COL1A2: variants seen among roughly 807,000 people sequenced by gnomAD.
The protein encoded by COL1A2 is collagen type I alpha 2 chain.
Under a neutral mutation model 174.3 loss-of-function variants are expected in COL1A2, and 49 were observed. The ratio of observed to expected loss-of-function variants is 0.28; its 90% CI spans 0.22 to 0.36. COL1A2 has a LOEUF of 0.36. Among genes scored for constraint, COL1A2 ranks in the 10% least tolerant of loss-of-function variants. The pLI is 1.00. For synonymous variants in COL1A2, 655 were observed against 606.6 expected (o/e 1.08, Z -1.17); for missense variants, 1,438 against 1,822.7 (o/e 0.79, Z 3.84).
chr7:94,422,843 GTAT>G, intron 39 of COL1A2, 111 bp from the exon 40 acceptor site: 1 of 1,256,644 alleles, frequency 8.0e-7, no homozygotes, highest in Non-Finnish European at 1.2e-6. Context: ...AATGGCCAGG[GTAT>G]TATTTTATTG....
chr7:94,414,134 T>G (rs1584322680), intron 28 of COL1A2, 88 bp from the exon 29 acceptor site: 1 of 1,446,106 alleles, frequency 6.9e-7, no homozygotes, highest in Non-Finnish European at 9.7e-7. Context: ...ATGTTGATAT[T>G]TGGTAGCCAC....
Position 94,399,073 on chromosome 7 carries a change from C to G in COL1A2, c.121C>G (p.Arg41Gly). ...GGGCCCAGCCGGAGATAGAGGACCA[C>G]GTGGAGAAAGGGTGTGTAATTTTTG... ...RKGPAGDRGPRGERGPPGPPG... is the reference protein window; with the variant it reads ...RKGPAGDRGPGGERGPPGPPG... Residue 41 changes from arginine to glycine, a missense_variant, in exon 4 of 52, where the codon CGT becomes GGT. Transcript: ENST00000297268. The G allele has an allele frequency of 6.2e-7, 1 of 1,613,498 alleles. No homozygotes were observed. The highest frequency in any genetic ancestry group is 8.5e-7 in the Non-Finnish European group (1 of 1,179,602).
chr7:94,410,348 A>G (rs768958119), intron 20 of COL1A2, 53 bp downstream of exon 20: 12 of 1,608,066 alleles, frequency 7.5e-6, no homozygotes, highest in Non-Finnish European at 1.0e-5. Flanking sequence ...TTCTCATTCC[A>G]GTTTCTCCAG....
intron 12 of COL1A2, 60 bp downstream of exon 12, chr7:94,406,363 C>CA: frequency 6.7e-7 from 1 of 1,498,526 alleles, no homozygotes; most frequent in Non-Finnish European, 9.3e-7. Context: ...CCATGACCTC[C>CA]AAAAAAGTAT....
chr7:94,398,977 G>T, intron 3 of COL1A2, 72 bp from the exon 4 acceptor site: 1 of 1,434,158 alleles, frequency 7.0e-7, no homozygotes, highest in South Asian at 1.1e-5. Flanking sequence ...TTATTATCAA[G>T]AATGATTTGT....
intron 1 of COL1A2, chr7:94,395,322 G>A (rs943656591): frequency 1.6e-6 from 1 of 641,594 alleles, no homozygotes; most frequent in Non-Finnish European, 2.9e-6. Flanking sequence ...TTTCCTCTAA[G>A]TTCAGAGTGA....
chr7:94,404,507 C>T (rs2115874611), intron 6 of COL1A2, 49 bp from the exon 7 acceptor site: 1 of 1,600,698 alleles, frequency 6.2e-7, no homozygotes. Context: ...CAGCCAACAC[C>T]ATGACAACTT....
chr7:94,402,127 T>A (rs1204338988), intron 6 of COL1A2, among the ~76,000 whole-genome samples: 1 of 152,092 alleles, frequency 6.6e-6, no homozygotes, highest in Non-Finnish European at 1.5e-5. Context: ...CTCAAAGTCA[T>A]CCAGGTAACT....
At chr7:94,422,845 A>G (rs1786727984) in intron 39 of COL1A2, 112 bp from the exon 40 acceptor site, 1 of 1,268,886 alleles carries the variant, frequency 7.9e-7, no homozygotes, top group Non-Finnish European at 1.2e-6. Flanking sequence ...TGGCCAGGGT[A>G]TTATTTTATT....
At position 94,398,402 on chromosome 7, in the gene COL1A2, A is replaced by G; in HGVS notation, c.96+6A>G. ...TCTAGGAAACTGTAAGAAAGGTAAG[A>G]GTACACTACTTCTCCATAAATATCT... On this transcript the variant is annotated splice_donor_region_variant and intron_variant, in intron 3 of 51. Coordinates refer to ENST00000297268, the MANE Select transcript of COL1A2 (RefSeq NM_000089.4). 1.0e-6 allele frequency: 1 copy of G among 953,960 alleles called. No homozygotes were observed. Among genetic ancestry groups the G allele is most frequent in the Non-Finnish European group, 1.5e-6 (1 of 648,006 alleles). The allele number at this position is 953,960 out of a possible 1,614,324, so 59.1% of individuals were successfully genotyped here.
In COL1A2 at chr7:94,408,766, T is replaced by G. The variant is rs373527410; in HGVS notation, c.739-4T>G. On this transcript the variant is annotated splice_region_variant and splice_polypyrimidine_tract_variant and intron_variant, in intron 15 of 51. Transcript: ENST00000297268. The stretch of plus-strand genomic sequence containing the variant: ...TTTCTTACCACCTTCTGCTTTGATT[T>G]CAGGGTCCCATTGGGTCTGCTGGCC... 17 of 1,613,792 alleles carry G rather than the reference T, an allele frequency of 1.1e-5. No homozygotes were observed. The African/African-American group carries it at 2.3e-4, about 22-fold the overall frequency.
At chr7:94,402,140 T>C (rs910020582) in intron 6 of COL1A2, among the ~76,000 whole-genome samples, 1 of 152,114 alleles carries the variant, frequency 6.6e-6, no homozygotes, top group Non-Finnish European at 1.5e-5. Context: ...AGGTAACTAA[T>C]GACATAACTA....
chr7:94,420,925 T>C, intron 37 of COL1A2, 84 bp from the exon 38 acceptor site: 2 of 1,309,082 alleles, frequency 1.5e-6, no homozygotes, highest in Non-Finnish European at 2.2e-6. Flanking sequence ...TTCTAAGAGA[T>C]GCGGGAATGA....
chr7:94,419,167 C>G (rs1361000844), intron 33 of COL1A2, among the ~76,000 whole-genome samples: 2 of 150,638 alleles, frequency 1.3e-5, no homozygotes, highest in Non-Finnish European at 2.9e-5. Context: ...TCTTTTGAAT[C>G]ACGTAGTTCT....
intron 40 of COL1A2, 30 bp from the exon 41 acceptor site, chr7:94,424,306 C>G (rs777269540): frequency 3.8e-6 from 6 of 1,577,424 alleles, no homozygotes; most frequent in Non-Finnish European, 5.2e-6. Flanking sequence ...GGGTCTTACC[C>G]ATAATACTCA....
At chr7:94,412,034 T>G in intron 23 of COL1A2, 34 bp from the exon 24 acceptor site, 1 of 1,571,030 alleles carries the variant, frequency 6.4e-7, no homozygotes, top group Non-Finnish European at 8.7e-7. Context: ...TAAGTTAAAG[T>G]GCCAATATAA....
At chr7:94,405,142 C>T (rs1327566412) in intron 9 of COL1A2, 57 bp from the exon 10 acceptor site, 1 of 1,565,380 alleles carries the variant, frequency 6.4e-7, no homozygotes, top group African/African-American at 1.4e-5. Context: ...AAGATTCCCC[C>T]ATTTTGTCTG....
At position 94,425,043 on chromosome 7, in the gene COL1A2, G is replaced by A. The variant is rs557370271; in HGVS notation, c.2674-74G>A. 2.6e-5 allele frequency: 33 copies of A among 1,268,666 alleles called. No individual in the cohort carries two copies. The African/African-American group carries it at 3.4e-4, about 13-fold the overall frequency. The allele number at this position is 1,268,666 out of a possible 1,614,324, so 78.6% of individuals were successfully genotyped here. ...CCTTCAAACTAGAATCTCCTGAGTA[G>A]GGTTGTTTTGGAGGGGAAGGTTAGC... On this transcript the variant is annotated intron_variant, in intron 41 of 51. Transcript: ENST00000297268.
In COL1A2 at chr7:94,415,252, T is replaced by A. The variant is rs757388782; in HGVS notation, c.1746T>A (p.Pro582=). ...GTCTCCATGGTGAGTTTGGTCTCCC[T>A]GGTCCTGCTGGTCCAAGAGTAAGTG... The part of the protein sequence containing the change: ...ERGLHGEFGL[P]GPAGPRGERG... The change falls in exon 30 of 52, where the codon CCT becomes CCA. Residue 582 remains proline (P), a synonymous_variant. Coordinates refer to ENST00000297268, the MANE Select transcript of COL1A2 (RefSeq NM_000089.4). 6.2e-7 allele frequency: 1 copy of A among 1,613,900 alleles called. No homozygotes were observed. Among genetic ancestry groups the A allele is most frequent in the Non-Finnish European group, 8.5e-7 (1 of 1,179,804 alleles).
Sources: allele counts gnomAD v4.1 joint callset (sites outside exome capture counted in the v4.1 genomes callset), GRCh38; gene constraint gnomAD v4.1.1; transcripts MANE v1.5; gene names NCBI Gene and HGNC (gene_info 2026-07-23, HGNC 2026-07-21).